The following HNRNPL variants were observed in gnomAD, a reference collection of about 807,000 sequenced individuals.
HNRNPL encodes the protein epididymis secretory sperm binding protein.
In HNRNPL, 12 loss-of-function variants were observed where a neutral mutation model predicts 64.0. The observed-to-expected ratio is 0.19, with a 90% confidence interval of 0.12 to 0.30. HNRNPL has a LOEUF of 0.30. HNRNPL is among the 10% of genes least tolerant of loss of function. The probability of loss-of-function intolerance (pLI) is 1.00; values close to 1 mark genes in which losing one functional copy is unlikely to be tolerated. For synonymous variants in HNRNPL, 385 were observed against 313.0 expected (o/e 1.23, Z -2.43); for missense variants, 484 against 797.4 (o/e 0.61, Z 4.73).
upstream of HNRNPL, among the ~76,000 whole-genome samples, chr19:38,851,890 C>G (rs1442901727): frequency 6.6e-6 from 1 of 152,154 alleles, no homozygotes; most frequent in African/African-American, 2.4e-5. Flanking sequence ...CCAGGAAGAT[C>G]CGACCACGCC....
At chr19:38,837,755 G>C in intron 10 of HNRNPL, 104 bp from the exon 11 acceptor site, 1 of 951,368 alleles carries the variant, frequency 1.1e-6, no homozygotes, top group East Asian at 2.6e-5. Flanking sequence ...AAGTTTTCAG[G>C]AGAAAAGGCT....
At chr19:38,848,312 C>T (rs1880710375) in intron 1 of HNRNPL, among the ~76,000 whole-genome samples, 1 of 152,106 alleles carries the variant, frequency 6.6e-6, no homozygotes, top group Non-Finnish European at 1.5e-5. Flanking sequence ...AGGCTGTTCT[C>T]GAACTCCTGA....
chr19:38,836,825 TC>T, intron 12 of HNRNPL, 45 bp from the exon 13 acceptor site: 1 of 1,465,394 alleles, frequency 6.8e-7, no homozygotes, highest in Non-Finnish European at 9.5e-7. Context: ...CTTTGGAGGC[TC>T]CCCAAACCCA....
intron 1 of HNRNPL, 119 bp downstream of exon 1, chr19:38,849,581 C>T: frequency 8.0e-7 from 1 of 1,247,010 alleles, no homozygotes; most frequent in African/African-American, 1.6e-5. Context: ...CCCACACCGT[C>T]AACGACGCGA....
At chr19:38,844,366 C>T (rs942650771) in intron 4 of HNRNPL, among the ~76,000 whole-genome samples, 2 of 152,208 alleles carry the variant, frequency 1.3e-5, no homozygotes, top group Non-Finnish European at 2.9e-5. Flanking sequence ...GCAACCTCTT[C>T]TGCCACACCA....
At chr19:38,839,161 C>T (rs1972027125) in intron 8 of HNRNPL, 146 bp from the exon 9 acceptor site, 3 of 967,564 alleles carry the variant, frequency 3.1e-6, no homozygotes, top group South Asian at 1.5e-5. Context: ...ATGCCTGGCC[C>T]ACACCAAGTG....
At chr19:38,844,189 G>GT (rs1972208335) in intron 4 of HNRNPL, 85 bp from the exon 5 acceptor site, 17 of 879,670 alleles carry the variant, frequency 1.9e-5, no homozygotes, top group Non-Finnish European at 3.2e-5. Flanking sequence ...GGACAAGGTA[G>GT]CACCCCAAGA....
chr19:38,836,950 C>T (rs984313163), intron 12 of HNRNPL, 170 bp from the exon 13 acceptor site: 4 of 572,284 alleles, frequency 7.0e-6, no homozygotes, highest in South Asian at 4.8e-5. Context: ...TTATGCACGG[C>T]GTTTCTCCTT....
At chr19:38,848,514 C>T (rs1972381140) in intron 1 of HNRNPL, among the ~76,000 whole-genome samples, 1 of 152,252 alleles carries the variant, frequency 6.6e-6, no homozygotes, top group Non-Finnish European at 1.5e-5. Flanking sequence ...GAAAGATTAA[C>T]TCTCTTCCGC....
intron 1 of HNRNPL, among the ~76,000 whole-genome samples, chr19:38,848,876 T>C (rs745673191): frequency 1.3e-5 from 2 of 152,168 alleles, no homozygotes; most frequent in Admixed American, 6.5e-5. Flanking sequence ...TAGCAACTCG[T>C]AACCCCTAAA....
intron 6 of HNRNPL, chr19:38,841,564 G>A (rs1972119202): frequency 2.6e-6 from 2 of 770,906 alleles, no homozygotes; most frequent in Non-Finnish European, 3.9e-6. Context: ...CAGAAGTACA[G>A]AGTACAATGT....
rs762709760 is a variant in HNRNPL, at chr19:38,849,691, T to A, written c.267+9A>T. On this transcript the variant is annotated intron_variant, in intron 1 of 12. Transcript: ENST00000221419. ...CCGGCCTTCCCAGCGCCTAGGGCCC[T>A]GGCCTCACCCCACCGCCGCCGCCGC... 6.7e-6 allele frequency: 9 copies of A among 1,348,658 alleles called. No homozygotes were observed. Among genetic ancestry groups the A allele is most frequent in the African/African-American group, 3.1e-5 (2 of 64,916 alleles). The allele number at this position is 1,348,658 out of a possible 1,614,324, so 83.5% of individuals were successfully genotyped here.
chr19:38,843,168 C>T (rs1335199686), intron 6 of HNRNPL, among the ~76,000 whole-genome samples: 2 of 152,168 alleles, frequency 1.3e-5, no homozygotes, highest in Non-Finnish European at 1.5e-5. Flanking sequence ...AGACAGACAC[C>T]GAGATGGATG....
At chr19:38,850,759 G>A (rs1389608144), upstream of HNRNPL, among the ~76,000 whole-genome samples, 1 of 152,214 alleles carries the variant, frequency 6.6e-6, no homozygotes, top group Non-Finnish European at 1.5e-5. Context: ...ACCTCTAGGA[G>A]GAATTGTTAA....
chr19:38,850,570 T>C (rs1375985481), upstream of HNRNPL, among the ~76,000 whole-genome samples: 2 of 152,282 alleles, frequency 1.3e-5, no homozygotes, highest in South Asian at 2.1e-4. Flanking sequence ...AGGCGCTCTT[T>C]GGTGCAGTAT....
At chr19:38,844,449 A>G (rs1442401564) in intron 4 of HNRNPL, among the ~76,000 whole-genome samples, 1 of 152,226 alleles carries the variant, frequency 6.6e-6, no homozygotes, top group African/African-American at 2.4e-5. Context: ...CTCTGCCCTG[A>G]AAGTCCATCA....
At chr19:38,847,274 G>A (rs188709432) in intron 2 of HNRNPL, 42 bp downstream of exon 2, 19 of 1,023,502 alleles carry the variant, frequency 1.9e-5, no homozygotes, top group African/African-American at 3.3e-5. Context: ...ACACCCAGGA[G>A]TCAACTTTGG....
intron 6 of HNRNPL, 35 bp from the exon 7 acceptor site, chr19:38,840,594 A>G: frequency 6.6e-7 from 1 of 1,526,674 alleles, no homozygotes; most frequent in Non-Finnish European, 8.9e-7. Flanking sequence ...AGTCTCACTC[A>G]GAAATTGGGG....
intron 7 of HNRNPL, 34 bp downstream of exon 7, chr19:38,840,454 C>A: frequency 6.4e-7 from 1 of 1,566,890 alleles, no homozygotes; most frequent in Non-Finnish European, 8.7e-7. Flanking sequence ...ACATGAGCCA[C>A]GGGAGTCCAC....
Sources: allele counts gnomAD v4.1 joint callset (sites outside exome capture counted in the v4.1 genomes callset), GRCh38; gene constraint gnomAD v4.1.1; transcripts MANE v1.5; gene names NCBI Gene and HGNC (gene_info 2026-07-23, HGNC 2026-07-21).